DNAH5: variants seen among roughly 807,000 people sequenced by gnomAD.
DNAH5 encodes the protein axonemal beta dynein heavy chain 5.
Under a neutral mutation model 518.2 loss-of-function variants are expected in DNAH5, and 372 were observed. The observed-to-expected ratio is 0.72, with a 90% CI of 0.66 to 0.78. The LOEUF (loss-of-function observed/expected upper bound fraction) is 0.78, where lower values mean the gene tolerates loss of function less well. Among genes scored for constraint, DNAH5 ranks in the 30% least tolerant of loss-of-function variants. The pLI, the probability that DNAH5 is intolerant of heterozygous loss-of-function variation, is 0.00. For missense variants in DNAH5, 5,523 were observed against 5,687.0 expected, an observed-to-expected ratio of 0.97 and a Z score of 0.93; for synonymous variants, 2,039 against 2,025.9, an observed-to-expected ratio of 1.01 and a Z score of -0.17.
chr5:13,919,837 T>C (rs1777066396), intron 6 of DNAH5, among the ~76,000 whole-genome samples: 1 of 152,208 alleles, frequency 6.6e-6, no homozygotes, highest in African/African-American at 2.4e-5. Context: ...TTGAAAGTAA[T>C]GGCAAAAACC....
rs1762611397 is a variant in DNAH5 at position 13,824,274 on chromosome 5, T to A, written c.6504A>T (p.Ala2168=). 6.2e-7 allele frequency: 1 copy of A among 1,614,032 alleles called. No individual in the cohort carries two copies. The highest frequency in any genetic ancestry group is 1.7e-5 in the Admixed American group (1 of 60,006). The change falls in exon 39 of 79, where the codon GCA becomes GCT. Residue 2168 remains alanine, a synonymous_variant. Transcript: ENST00000265104. ...CCGTATCCATTGGATTGGCTCTTTT[T>A]GCTGCTCCCAAGGTCCGAAGAACTG... ...ILSVLRTLGA[A]KRANPMDTES...
intron 71 of DNAH5, among the ~76,000 whole-genome samples, chr5:13,719,418 A>T (rs1744747879): frequency 6.6e-6 from 1 of 152,194 alleles, no homozygotes; most frequent in Non-Finnish European, 1.5e-5. Context: ...CATTTAACTC[A>T]GATCCCTCCC....
At chr5:13,822,150 CA>C (rs1762313556) in intron 40 of DNAH5, among the ~76,000 whole-genome samples, 1 of 151,960 alleles carries the variant, frequency 6.6e-6, no homozygotes, top group South Asian at 2.1e-4. Flanking sequence ...GACAAATTAT[CA>C]CTCTTACCTC....
At chr5:13,726,285 C>A (rs1199255404) in intron 70 of DNAH5, among the ~76,000 whole-genome samples, 1 of 152,170 alleles carries the variant, frequency 6.6e-6, no homozygotes, top group African/African-American at 2.4e-5. Context: ...GCAGATACTG[C>A]AGGACTTGAA....
chr5:13,916,797 A>G (rs1343237543), intron 8 of DNAH5, among the ~76,000 whole-genome samples: 1 of 152,090 alleles, frequency 6.6e-6, no homozygotes, highest in Non-Finnish European at 1.5e-5. Context: ...TTAAAAAAAA[A>G]CATCACTAGC....
rs79626559 is a variant in DNAH5, at chr5:13,978,892, T to A, written c.12+32756A>T. ...AGACATAAATACACATCCTAGTGAT[T>A]CTGTTTCTCTAGAGAACCCTGGCTA... On this transcript the variant is annotated intron_variant, in intron 1 of 78. Coordinates refer to the DNAH5 transcript ENST00000681290. Among the ~76,000 whole-genome samples, 847 of 152,292 alleles carry A rather than the reference T, an allele frequency of 5.6e-3. 10 individuals are homozygous for A. Among genetic ancestry groups the A allele is most frequent in the African/African-American group, 0.019 (790 of 41,556 alleles).
chr5:13,993,484 G>C (rs947285398), intron 1 of DNAH5, among the ~76,000 whole-genome samples: 2 of 152,132 alleles, frequency 1.3e-5, no homozygotes, highest in Non-Finnish European at 2.9e-5. Flanking sequence ...CTACCCCACT[G>C]TACTATTACA....
rs904957971 is a variant in DNAH5, at chr5:13,798,328, G to C, written c.7888-4270C>G. Among the ~76,000 whole-genome samples the C allele has an allele frequency of 2.0e-5, 3 of 152,260 alleles. No individual in the cohort carries two copies. In the East Asian group the frequency reaches 5.8e-4, roughly 29 times the overall value. On this transcript the variant is annotated intron_variant, in intron 47 of 78. Transcript: ENST00000265104. The stretch of plus-strand genomic sequence containing the variant: ...TCCATGGTAGTGCAATGTGGCTTGG[G>C]AATCAATTGTCTTTCAAAATGTATG...
intron 1 of DNAH5, among the ~76,000 whole-genome samples, chr5:13,974,316 G>A (rs978175270): frequency 1.1e-4 from 16 of 151,580 alleles, no homozygotes; most frequent in Non-Finnish European, 1.2e-4. Flanking sequence ...GTAGAGATGG[G>A]GTTTCACTAT....
chr5:13,719,634 G>A (rs1270926729), intron 71 of DNAH5, among the ~76,000 whole-genome samples: 1 of 152,166 alleles, frequency 6.6e-6, no homozygotes, highest in African/African-American at 2.4e-5. Context: ...TGAAAAATGA[G>A]AAGTTGATTT....
intron 1 of DNAH5, among the ~76,000 whole-genome samples, chr5:14,009,003 G>A (rs952130946): frequency 6.6e-6 from 1 of 152,254 alleles, no homozygotes; most frequent in African/African-American, 2.4e-5. Flanking sequence ...CTGGTTTCCT[G>A]GCAGGACTGT....
intron 32 of DNAH5, among the ~76,000 whole-genome samples, chr5:13,844,430 G>A (rs1333142991): frequency 6.6e-6 from 1 of 152,032 alleles, no homozygotes; most frequent in Non-Finnish European, 1.5e-5. Context: ...ACATGGAAGT[G>A]TTAAAAAAAC....
chr5:13,766,055 A>G lies in DNAH5; in HGVS notation c.10022T>C (p.Leu3341Pro), dbSNP rs200260945. 1.2e-4 allele frequency: 186 copies of G among 1,614,192 alleles called. No individual in the cohort carries two copies. In the East Asian group the frequency reaches 4.1e-3, roughly 36 times the overall value. The change falls in exon 59 of 79, where the codon CTG becomes CCG. Residue 3341 changes from leucine to proline, a missense_variant. Leu to Pro is a moderately conservative substitution (Grantham distance 98, BLOSUM62 -3). Coordinates refer to ENST00000265104, the MANE Select transcript of DNAH5 (RefSeq NM_001369.3). ...QRKVSAVKID[L>P]EKSCTMPSWQ... The stretch of plus-strand genomic sequence containing the variant: ...GGAGGGCATGGTACAGCTTTTTTCC[A>G]GGTCAATTTTCACAGCACTGACTTT...
In DNAH5 at chr5:13,715,203, G is replaced by A. The variant is rs1051877192; in HGVS notation, c.12910-583C>T. ...GAAGCAGGCAAAAAGATCCCCCAAC[G>A]GTTTGAAAAAAAAGAAAATTTACGG... On this transcript the variant is annotated intron_variant, in intron 74 of 78. Transcript: ENST00000265104. 3.3e-5 allele frequency among the ~76,000 whole-genome samples: 5 copies of A among 151,788 alleles called. No individual in the cohort carries two copies. The East Asian group carries it at 5.8e-4, about 18-fold the overall frequency.
chr5:13,900,772 T>A (rs1774495550), intron 14 of DNAH5: 2 of 326,748 alleles, frequency 6.1e-6, no homozygotes. Flanking sequence ...CTAAACTCAG[T>A]TTTTACTTAT....
At chr5:13,836,962 C>T (rs191144381) in intron 35 of DNAH5, among the ~76,000 whole-genome samples, 101 of 152,318 alleles carry the variant, frequency 6.6e-4, no homozygotes, top group Middle Eastern at 3.4e-3. Flanking sequence ...GATCAAGGAA[C>T]GTGGTAGCCT....
intron 27 of DNAH5, among the ~76,000 whole-genome samples, chr5:13,865,004 CTCTT>C (rs1167949972): frequency 2.3e-5 from 3 of 129,684 alleles, no homozygotes; most frequent in African/African-American, 2.9e-5. Context: ...CAACAAATAG[CTCTT>C]TTTTTTTTTT....
chr5:13,986,161 G>A (rs902773470), intron 1 of DNAH5, among the ~76,000 whole-genome samples: 5 of 152,220 alleles, frequency 3.3e-5, no homozygotes, highest in African/African-American at 1.2e-4. Flanking sequence ...AGGCGGAGGG[G>A]ATGAGGGGAA....
chr5:13,823,235 G>A lies in DNAH5; in HGVS notation c.6687+28C>T, dbSNP rs1382583920. 2.2e-6 allele frequency: 3 copies of A among 1,387,418 alleles called. No homozygotes were observed. In the African/African-American group the frequency reaches 4.3e-5, roughly 20 times the overall value. The allele number at this position is 1,387,418 out of a possible 1,614,324, so 85.9% of individuals were successfully genotyped here. A position where few individuals can be genotyped will look rare whatever the true frequency, so the allele number is the denominator to read the frequency against. On this transcript the variant is annotated intron_variant, in intron 40 of 78. Coordinates refer to ENST00000265104, the MANE Select transcript of DNAH5 (RefSeq NM_001369.3). ...TTAAATTCAGATGAAACAGACACCAGCCCTCGTTGCCCTGTGAAGCATATT... is the reference window on the plus strand; with the variant it reads ...TTAAATTCAGATGAAACAGACACCAACCCTCGTTGCCCTGTGAAGCATATT...
Sources: gnomAD v4.1 joint callset for allele counts (sites outside exome capture counted in the v4.1 genomes callset) on GRCh38, gnomAD v4.1.1 for gene constraint, MANE v1.5 for transcripts, NCBI Gene and HGNC (gene_info 2026-07-23, HGNC 2026-07-21) for gene names.